Variants in KIF13A observed in about 807,000 individuals in gnomAD.
KIF13A encodes kinesin-like protein KIF13A.
KIF13A carries 79 observed loss-of-function variants against 212.2 expected under a neutral mutation model. That is an observed-to-expected ratio of 0.37 (90% CI 0.31 to 0.45). KIF13A has a LOEUF of 0.45. Ranked by LOEUF, KIF13A falls within the 20% of genes least tolerant of loss-of-function variation. KIF13A has a pLI of 1.00. For synonymous variants in KIF13A, 789 were observed against 808.6 expected, an observed-to-expected ratio of 0.98 and a Z score of 0.41; for missense variants, 1,901 against 2,209.0, an observed-to-expected ratio of 0.86 and a Z score of 2.79.
chr6:17,969,184 G>C (rs1267037490), intron 2 of KIF13A, among the ~76,000 whole-genome samples: 2 of 152,220 alleles, frequency 1.3e-5, no homozygotes, highest in South Asian at 4.1e-4. Context: ...CTCTCAAGGA[G>C]TTTGCAGTCT....
rs1371468525 is a variant in KIF13A at position 17,914,433 on chromosome 6, T to A, written c.147-16253A>T. 1.3e-5 allele frequency among the ~76,000 whole-genome samples: 2 copies of A among 152,150 alleles called. No homozygotes were observed. The highest frequency in any genetic ancestry group is 2.9e-5 in the Non-Finnish European group (2 of 68,022). ...AAAACTTGAGATGAATATGAGTACATCCACAATAACTATTAATTTAACACA... is the reference window on the plus strand; with the variant it reads ...AAAACTTGAGATGAATATGAGTACAACCACAATAACTATTAATTTAACACA... On this transcript the variant is annotated intron_variant, in intron 2 of 38. Coordinates refer to ENST00000259711, the MANE Select transcript of KIF13A (RefSeq NM_022113.6). This position sits in a 1 kb window ranked among gnomAD's most constrained non-coding sequence, Gnocchi z 5.9.
chr6:17,880,810 G>A (rs898602524), intron 3 of KIF13A, among the ~76,000 whole-genome samples: 4 of 151,838 alleles, frequency 2.6e-5, no homozygotes, highest in African/African-American at 4.8e-5. Flanking sequence ...TGCAAAGATG[G>A]GGTCTTGCAA....
rs905185924 is a variant in KIF13A, at chr6:17,875,908, C to A, written c.160-2471G>T. ...ACCAAATCATGTTGGAAGTGGTGCA[C>A]GTTTTATCCTATTTGAGATTCTCAA... On this transcript the variant is annotated intron_variant, in intron 3 of 38. Transcript: ENST00000259711. 3.9e-5 allele frequency among the ~76,000 whole-genome samples: 6 copies of A among 152,034 alleles called. No individual in the cohort carries two copies. The East Asian group carries it at 7.7e-4, about 20-fold the overall frequency.
At chr6:17,929,549 C>T (rs1025944012) in intron 2 of KIF13A, among the ~76,000 whole-genome samples, 2 of 151,838 alleles carry the variant, frequency 1.3e-5, no homozygotes, top group Admixed American at 6.6e-5. Context: ...TACAGGCGCC[C>T]GCCACCATGC....
Position 17,982,599 on chromosome 6 carries a change from GAGCCCATATTT to G in KIF13A, c.146+4444_146+4454del, listed in dbSNP as rs1324052063. ...AAAAACTTTCATGCTCTTCTACCGAGAGCCCATATTTAGCCCAACATTTTATTTTTACACAG... is the reference window on the plus strand; with the variant it reads ...AAAAACTTTCATGCTCTTCTACCGAGAGCCCAACATTTTATTTTTACACAG... On this transcript the variant is annotated intron_variant, in intron 2 of 38. Transcript: ENST00000259711. This position sits in a 1 kb window ranked among gnomAD's most constrained non-coding sequence, Gnocchi z 5.1. Among the ~76,000 whole-genome samples the G allele has an allele frequency of 1.3e-5, 2 of 152,084 alleles. No individual in the cohort carries two copies. The highest frequency in any genetic ancestry group is 2.9e-5 in the Non-Finnish European group (2 of 68,022).
rs895082482 is a variant in KIF13A, at chr6:17,789,839, C to T, written c.3261+33G>A. ...TGCTGGCAATTAGCAGTAGCTGTGCCCCATGCCACAGGATTGACAGCAGTA... is the reference window on the plus strand; with the variant it reads ...TGCTGGCAATTAGCAGTAGCTGTGCTCCATGCCACAGGATTGACAGCAGTA... On this transcript the variant is annotated intron_variant, in intron 26 of 38. Coordinates refer to ENST00000259711, the MANE Select transcript of KIF13A (RefSeq NM_022113.6). This position sits in a 1 kb window ranked among gnomAD's most constrained non-coding sequence, Gnocchi z 4.8. 4 of 1,596,420 alleles carry T rather than the reference C, an allele frequency of 2.5e-6. No individual in the cohort carries two copies. Among genetic ancestry groups the T allele is most frequent in the South Asian group, 2.2e-5 (2 of 90,050 alleles).
rs1044467515 is a variant in KIF13A, at chr6:17,982,140, G to A, written c.146+4914C>T. Among the ~76,000 whole-genome samples, 24 of 151,490 alleles carry A rather than the reference G, an allele frequency of 1.6e-4. No individual in the cohort carries two copies. The highest frequency in any genetic ancestry group is 5.8e-4 in the African/African-American group (24 of 41,098). On this transcript the variant is annotated intron_variant, in intron 2 of 38. Transcript: ENST00000259711. The surrounding 1 kb of genome is among the most constrained non-coding windows in gnomAD (Gnocchi z 5.1). ...GACAGAGTTTCACTCTTGTTGCTCA[G>A]GCTAGAGTGCAATGGCTCGATCTCA...
intron 2 of KIF13A, among the ~76,000 whole-genome samples, chr6:17,969,645 T>A (rs1779631281): frequency 6.6e-6 from 1 of 152,192 alleles, no homozygotes; most frequent in Admixed American, 6.5e-5. Context: ...CTGGAGAGGA[T>A]GAACTTGAGG....
chr6:17,893,832 CTTTTT>C (rs139288852), intron 3 of KIF13A, among the ~76,000 whole-genome samples: 1 of 77,324 alleles, frequency 1.3e-5, no homozygotes, highest in East Asian at 4.8e-4. Flanking sequence ...TTTCCTGCAT[CTTTTT>C]TTTTTTTTTT....
Position 17,822,043 on chromosome 6 carries a change from C to CTTCTTT in KIF13A, c.1786+3724_1786+3725insAAAGAA. 4 of 585,334 alleles carry CTTCTTT rather than the reference C, an allele frequency of 6.8e-6. No individual in the cohort carries two copies. In the South Asian group the frequency reaches 7.0e-5, roughly 10 times the overall value. The allele number at this position is 585,334 out of a possible 1,614,324, so 36.3% of individuals were successfully genotyped here. A position where few individuals can be genotyped will look rare whatever the true frequency, so the allele number is the denominator to read the frequency against. ...GATGGGGTAGGGGGAAACATAACTT[C>CTTCTTT]TTTTTTTTTTTTTTGTGATGAAGTC... is the stretch of plus-strand genomic sequence containing the variant. On this transcript the variant is annotated intron_variant, in intron 16 of 38. Coordinates refer to ENST00000259711, the MANE Select transcript of KIF13A (RefSeq NM_022113.6).
chr6:17,821,936 C>G (rs1330649891), intron 16 of KIF13A: 1 of 1,534,366 alleles, frequency 6.5e-7, no homozygotes, highest in Admixed American at 2.0e-5. Flanking sequence ...CAGTGAACAC[C>G]GTCCAGCCAC....
chr6:17,894,062 T>C (rs1429271159), intron 3 of KIF13A, among the ~76,000 whole-genome samples: 9 of 151,922 alleles, frequency 5.9e-5, no homozygotes, highest in Admixed American at 1.3e-4. Context: ...CTGGTCTTGA[T>C]CTCCTGACCT....
At chr6:17,875,756 T>C (rs2150440829) in intron 3 of KIF13A, among the ~76,000 whole-genome samples, 1 of 152,120 alleles carries the variant, frequency 6.6e-6, no homozygotes, top group African/African-American at 2.4e-5. Flanking sequence ...TGCCTGGCCC[T>C]AACTGCTGTT....
At chr6:17,916,385 C>T (rs900499350) in intron 2 of KIF13A, among the ~76,000 whole-genome samples, 2 of 152,162 alleles carry the variant, frequency 1.3e-5, no homozygotes, top group African/African-American at 4.8e-5. Flanking sequence ...TCCTATAACG[C>T]CTGTTACCTT....
At chr6:17,814,709 C>G (rs1263089629) in intron 17 of KIF13A, among the ~76,000 whole-genome samples, 1 of 152,194 alleles carries the variant, frequency 6.6e-6, no homozygotes, top group South Asian at 2.1e-4. Flanking sequence ...GATAATAGTT[C>G]CTATGGCATA....
chr6:17,915,033 T>G lies in KIF13A; in HGVS notation c.147-16853A>C, dbSNP rs970630502. Among the ~76,000 whole-genome samples the G allele has an allele frequency of 6.6e-6, 1 of 152,204 alleles. No homozygotes were observed. Among genetic ancestry groups the G allele is most frequent in the African/African-American group, 2.4e-5 (1 of 41,450 alleles). ...TTTAACTACCTGGTTTTGGTTTTAT[T>G]TCCAAGATTGGTTTTCCATTTATGT... On this transcript the variant is annotated intron_variant, in intron 2 of 38. Transcript: ENST00000259711. The surrounding 1 kb of genome is among the most constrained non-coding windows in gnomAD (Gnocchi z 4.4).
At position 17,971,824 on chromosome 6, in the gene KIF13A, G is replaced by A. The variant is rs1264282494; in HGVS notation, c.146+15230C>T. On this transcript the variant is annotated intron_variant, in intron 2 of 38. Transcript: ENST00000259711. The surrounding 1 kb of genome is among the most constrained non-coding windows in gnomAD (Gnocchi z 4.2). ...TCTACTGTTTTTTAAAAATCCTTAA[G>A]TCTGAGAACCAATGAGCAAGGGCAG... Among the ~76,000 whole-genome samples, 1 of 152,004 alleles carries A rather than the reference G, an allele frequency of 6.6e-6. No individual in the cohort carries two copies. Among genetic ancestry groups the A allele is most frequent in the East Asian group, 1.9e-4 (1 of 5,190 alleles).
chr6:17,966,162 C>T (rs1779289680), intron 2 of KIF13A, among the ~76,000 whole-genome samples: 1 of 152,144 alleles, frequency 6.6e-6, no homozygotes, highest in African/African-American at 2.4e-5. Context: ...TCACTGCACT[C>T]CAGCCTGGGT....
chr6:17,909,065 T>C (rs1284152752), intron 2 of KIF13A, among the ~76,000 whole-genome samples: 1 of 152,214 alleles, frequency 6.6e-6, no homozygotes, highest in Non-Finnish European at 1.5e-5. Flanking sequence ...ATCATTAGCA[T>C]GCAGAGTTAT....
Sources: allele counts gnomAD v4.1 joint callset (sites outside exome capture counted in the v4.1 genomes callset), GRCh38; gene constraint gnomAD v4.1.1; non-coding constraint Gnocchi (gnomAD v3.1); transcripts MANE v1.5; gene names NCBI Gene and HGNC (gene_info 2026-07-23, HGNC 2026-07-21).